The following HEATR4 variants were observed in gnomAD, a reference collection of about 807,000 sequenced individuals.
The protein encoded by HEATR4 is HEAT repeat containing 4.
Under a neutral mutation model 108.8 loss-of-function variants are expected in HEATR4, and 95 were observed. The observed-to-expected ratio is 0.87, with a 90% CI of 0.74 to 1.04. HEATR4 has a LOEUF of 1.04. Ranked by LOEUF, HEATR4 falls within the 50% of genes least tolerant of loss-of-function variation. The pLI, the probability that HEATR4 is intolerant of heterozygous loss-of-function variation, is 0.00. For synonymous variants in HEATR4, 443 were observed against 459.4 expected (o/e 0.96, Z 0.46); for missense variants, 1,152 against 1,253.8 (o/e 0.92, Z 1.23).
chr14:73,601,127 T>C, the HEATR4 span, among the ~76,000 whole-genome samples: 1 of 151,938 alleles, frequency 6.6e-6, no homozygotes, highest in Non-Finnish European at 1.5e-5. Flanking sequence ...GATGACAGAG[T>C]GAGACTCTGT....
chr14:73,511,866 GT>G (rs1887288862), intron 7 of HEATR4, 139 bp downstream of exon 7: 1 of 891,226 alleles, frequency 1.1e-6, no homozygotes, highest in Non-Finnish European at 1.7e-6. Context: ...TGATAAGCAT[GT>G]ATATATAGGC....
rs139023528 is a variant in HEATR4, at chr14:73,524,955, C to T, written c.-72-1731G>A. Reference sequence around the variant, plus strand: ...CCTAGGGCATGATTTCTCTTACTGTCTTCCATGTGTAAAAGTGACCGTATT... The same window carrying T: ...CCTAGGGCATGATTTCTCTTACTGTTTTCCATGTGTAAAAGTGACCGTATT... On this transcript the variant is annotated intron_variant, in intron 2 of 17. Coordinates refer to ENST00000553558, the MANE Select transcript of HEATR4 (RefSeq NM_001220484.1). 9.1e-4 allele frequency among the ~76,000 whole-genome samples: 138 copies of T among 152,230 alleles called. No homozygotes were observed. The Middle Eastern group carries it at 0.01, about 11-fold the overall frequency.
At chr14:73,587,792 G>A in the HEATR4 span, among the ~76,000 whole-genome samples, 1 of 152,146 alleles carries the variant, frequency 6.6e-6, no homozygotes, top group East Asian at 1.9e-4. Flanking sequence ...ACTTGATTTT[G>A]AGGATTGAAG....
At chr14:73,623,429 A>T in the HEATR4 span, among the ~76,000 whole-genome samples, 1 of 151,740 alleles carries the variant, frequency 6.6e-6, no homozygotes, top group Non-Finnish European at 1.5e-5. Flanking sequence ...CATGCCTGTA[A>T]GCCCAACACT....
chr14:73,579,608 G>T, the HEATR4 span, among the ~76,000 whole-genome samples: 2 of 150,840 alleles, frequency 1.3e-5, no homozygotes, highest in Non-Finnish European at 3.0e-5. Context: ...GTAGAGATGG[G>T]GTCTCCCTAT....
chr14:73,512,415 A>G (rs772079724), intron 6 of HEATR4, among the ~76,000 whole-genome samples: 2 of 152,170 alleles, frequency 1.3e-5, no homozygotes, highest in African/African-American at 2.4e-5. Context: ...CGTTGTAACC[A>G]TCTGGGAAAT....
At chr14:73,488,607 A>G (rs968403411) in intron 17 of HEATR4, among the ~76,000 whole-genome samples, 2 of 151,896 alleles carry the variant, frequency 1.3e-5, no homozygotes, top group African/African-American at 4.8e-5. Context: ...AGGCCTCCCC[A>G]ACCATGCTTC....
the HEATR4 span, chr14:73,619,992 A>G: frequency 2.4e-6 from 2 of 838,970 alleles, no homozygotes; most frequent in East Asian, 2.9e-5. Context: ...GCTCACTGTA[A>G]CCTCTGCCTC....
rs1384479699 is a variant in HEATR4 at position 73,547,207 on chromosome 14, G to C, written c.-152+11544C>G. Among the ~76,000 whole-genome samples, 4 of 112,038 alleles carry C rather than the reference G, an allele frequency of 3.6e-5. 2 individuals are homozygous for C. Among genetic ancestry groups the C allele is most frequent in the African/African-American group, 1.1e-4 (4 of 35,146 alleles). The allele number at this position is 112,038 out of a possible 152,430, so 73.5% of individuals were successfully genotyped here. On this transcript the variant is annotated intron_variant, in intron 1 of 17. Transcript: ENST00000553558. The stretch of plus-strand genomic sequence containing the variant: ...ACCAGCCAGGCCAACATGGTAAAAC[G>C]CCATCTCTACTGAAAATACAAGTAT...
chr14:73,527,689 C>G (rs1263697561), intron 2 of HEATR4, among the ~76,000 whole-genome samples: 1 of 151,940 alleles, frequency 6.6e-6, no homozygotes, highest in East Asian at 1.9e-4. Flanking sequence ...TGAAAATACA[C>G]AGTCAGGGCC....
At chr14:73,500,951 T>G (rs1455824617) in intron 11 of HEATR4, among the ~76,000 whole-genome samples, 2 of 152,238 alleles carry the variant, frequency 1.3e-5, no homozygotes, top group African/African-American at 4.8e-5. Context: ...TGCAGGGCTT[T>G]CAGTTACACT....
At chr14:73,530,349 C>G (rs1043726058) in intron 1 of HEATR4, 105 bp from the exon 2 acceptor site, 5 of 137,702 alleles carry the variant, frequency 3.6e-5, no homozygotes, top group African/African-American at 1.3e-4. Flanking sequence ...TCTGCATTTT[C>G]ACAAGCTCTC....
chr14:73,495,325 C>T lies in HEATR4; in HGVS notation c.2688G>A (p.Met896Ile). Reference protein sequence around the residue: ...THKILKLEMVMGKVREEAKRV... With the variant: ...THKILKLEMVIGKVREEAKRV... ...GTTTTGCTTCCTCCCTCACTTTTCC[C>T]ATGACCATCTCCAGCTTGAGTATTT... Residue 896 changes from methionine (M) to isoleucine (I), a missense_variant, in exon 16 of 18, where the codon ATG (methionine) becomes ATA (isoleucine). Met to Ile is a conservative substitution (Grantham distance 10, BLOSUM62 1). Transcript: ENST00000553558. The T allele has an allele frequency of 1.2e-6, 2 of 1,614,026 alleles. No homozygotes were observed. Among genetic ancestry groups the T allele is most frequent in the Non-Finnish European group, 1.7e-6 (2 of 1,179,944 alleles).
At chr14:73,571,967 AAC>A in the HEATR4 span, among the ~76,000 whole-genome samples, 42 of 151,764 alleles carry the variant, frequency 2.8e-4, no homozygotes, top group African/African-American at 1.0e-3. Flanking sequence ...AAAATAAAAC[AAC>A]AGAGTACATT....
chr14:73,633,225 G>C, the HEATR4 span, among the ~76,000 whole-genome samples: 119 of 152,154 alleles, frequency 7.8e-4, 1 homozygote, highest in African/African-American at 2.8e-3. Context: ...GGCTGGTCTC[G>C]AACTCCTGAC....
chr14:73,621,500 CT>C, the HEATR4 span, among the ~76,000 whole-genome samples: 6 of 152,200 alleles, frequency 3.9e-5, no homozygotes, highest in African/African-American at 1.2e-4. Context: ...CTGCAGTATA[CT>C]GGGCACTATC....
intron 1 of HEATR4, among the ~76,000 whole-genome samples, chr14:73,548,906 G>A (rs1889277751): frequency 8.8e-6 from 1 of 113,564 alleles, no homozygotes; most frequent in Non-Finnish European, 1.9e-5. Flanking sequence ...GGTAATTCCA[G>A]GTAATTAACC....
At chr14:73,566,583 A>C in the HEATR4 span, among the ~76,000 whole-genome samples, 1 of 152,186 alleles carries the variant, frequency 6.6e-6, no homozygotes, top group Non-Finnish European at 1.5e-5. Context: ...CCAGGTGCTA[A>C]GCCCCTCATT....
At chr14:73,583,013 CT>C in the HEATR4 span, 3 of 152,134 alleles carry the variant, frequency 2.0e-5, no homozygotes, top group African/African-American at 4.8e-5. Context: ...CTGATTCCAG[CT>C]TCTCTGAAGG....
Sources: allele counts gnomAD v4.1 joint callset (sites outside exome capture counted in the v4.1 genomes callset), GRCh38; gene constraint gnomAD v4.1.1; transcripts MANE v1.5; gene names NCBI Gene and HGNC (gene_info 2026-07-23, HGNC 2026-07-21).